CDKL5: variants seen among roughly 807,000 people sequenced by gnomAD.
CDKL5 encodes the protein cyclin-dependent kinase-like 5.
In CDKL5, 8 loss-of-function variants were observed where a neutral mutation model predicts 61.7. That is an observed-to-expected ratio of 0.13 (90% CI 0.08 to 0.23). CDKL5 has a LOEUF of 0.23. CDKL5 is among the 10% of genes least tolerant of loss of function. The pLI is 1.00. For missense variants in CDKL5, 440 were observed against 734.5 expected, an observed-to-expected ratio of 0.60 and a Z score of 4.63; for synonymous variants, 275 against 272.3, an observed-to-expected ratio of 1.01 and a Z score of -0.10.
At chrX:18,552,598 T>C (rs1344679993) in intron 3 of CDKL5, among the ~76,000 whole-genome samples, 1 of 111,898 alleles carries the variant, frequency 8.9e-6, no homozygotes, top group African/African-American at 3.2e-5. Flanking sequence ...TGTAAATCTG[T>C]AAAGGTGGAA....
chrX:18,431,646 C>T (rs1312705513), intron 1 of CDKL5, among the ~76,000 whole-genome samples: 2 of 108,988 alleles, frequency 1.8e-5, no homozygotes, highest in Admixed American at 9.8e-5. Flanking sequence ...AGGATGGTCT[C>T]GATCTCCTGA....
At chrX:18,482,761 A>G (rs2147074590) in intron 1 of CDKL5, among the ~76,000 whole-genome samples, 1 of 110,369 alleles carries the variant, frequency 9.1e-6, no homozygotes, top group East Asian at 2.8e-4. Flanking sequence ...GTAACTATAA[A>G]TGATCAATAA....
intron 1 of CDKL5, among the ~76,000 whole-genome samples, chrX:18,461,439 T>C (rs1391490991): frequency 1.8e-5 from 2 of 112,429 alleles, no homozygotes; most frequent in Non-Finnish European, 3.8e-5. Flanking sequence ...GAAAATAGTA[T>C]AGACCTACCA....
intron 4 of CDKL5, among the ~76,000 whole-genome samples, chrX:18,569,066 G>A (rs1925058229): frequency 8.9e-6 from 1 of 111,761 alleles, no homozygotes; most frequent in Non-Finnish European, 1.9e-5. Context: ...GTCTTTGCCT[G>A]TGATTCTCTC....
Position 18,629,323 on chromosome X carries a change from C to A in CDKL5, c.*566C>A. 1 of 652,894 alleles carries A rather than the reference C, an allele frequency of 1.5e-6. No homozygotes were observed. Among genetic ancestry groups the A allele is most frequent in the Middle Eastern group, 9.1e-4 (1 of 1,102 alleles). 53.8% of individuals were successfully genotyped at this position (652,894 alleles called of 1,213,427 possible). ...TAATATTGTACTGTTAAAATCATAT[C>A]TTTTATGTTATAATGTAAAGTTATT... On this transcript the variant is annotated 3_prime_UTR_variant, in exon 18 of 18. Transcript: ENST00000623535.
In CDKL5 at chrX:18,583,481, C is replaced by T. The variant is rs151094161; in HGVS notation, c.464-782C>T. ...CGCTGGGATTGTTTTTATTTTTTAC[C>T]GTTTCATTTTAAGAAACAGTATTTT... On this transcript the variant is annotated intron_variant, in intron 7 of 17. Coordinates refer to ENST00000623535, the MANE Select transcript of CDKL5 (RefSeq NM_001323289.2). 2.1e-3 allele frequency among the ~76,000 whole-genome samples: 238 copies of T among 111,777 alleles called. 1 individual carries two copies. The highest frequency in any genetic ancestry group is 0.017 in the East Asian group (60 of 3,578).
chrX:18,453,183 T>C (rs765732868), intron 1 of CDKL5, among the ~76,000 whole-genome samples: 2 of 111,544 alleles, frequency 1.8e-5, no homozygotes, highest in Non-Finnish European at 3.8e-5. Context: ...AACTTTACTG[T>C]AACCCCACTA....
intron 17 of CDKL5, chrX:18,627,783 C>CAA (rs764474838): frequency 1.4e-4 from 5 of 34,690 alleles, no homozygotes; most frequent in Admixed American, 3.3e-4. Context: ...CTCCCCCTTT[C>CAA]AAAAAAAAAG....
At chrX:18,514,423 T>A (rs1922935729) in intron 3 of CDKL5, among the ~76,000 whole-genome samples, 1 of 111,762 alleles carries the variant, frequency 8.9e-6, no homozygotes, top group Non-Finnish European at 1.9e-5. Context: ...AAAGATGTTC[T>A]AGGCTGGGCA....
At chrX:18,646,609 G>T (rs933215503) in intron 20 of CDKL5, among the ~76,000 whole-genome samples, 4 of 111,864 alleles carry the variant, frequency 3.6e-5, no homozygotes, top group Non-Finnish European at 7.5e-5. Context: ...AGTCATTAAC[G>T]TGGCTTCTAA....
rs961584515 is a variant in CDKL5, at chrX:18,625,166, G to A, written c.2415G>A (p.Gln805=). The change falls in exon 17 of 18, where the codon CAG becomes CAA. Residue 805 remains glutamine, a synonymous_variant. Coordinates refer to ENST00000623535, the MANE Select transcript of CDKL5 (RefSeq NM_001323289.2). ...ACAGCCCTGATCTTCTGACGTTGCA[G>A]AAATCCATTCATTCTGCTAGCACTC... ...NSDSPDLLTL[Q]KSIHSASTPS... 1.7e-6 allele frequency: 2 copies of A among 1,205,096 alleles called. No individual in the cohort carries two copies. Among genetic ancestry groups the A allele is most frequent in the African/African-American group, 3.5e-5 (2 of 56,461 alleles).
intron 3 of CDKL5, among the ~76,000 whole-genome samples, chrX:18,531,505 C>T (rs1923639221): frequency 9.0e-6 from 1 of 111,128 alleles, no homozygotes; most frequent in Admixed American, 9.5e-5. Flanking sequence ...TAGCCTTTGT[C>T]AAAATTATCA....
intron 1 of CDKL5, among the ~76,000 whole-genome samples, chrX:18,462,594 G>A (rs1199786280): frequency 8.9e-6 from 1 of 111,999 alleles, no homozygotes; most frequent in Non-Finnish European, 1.9e-5. Flanking sequence ...GGGCCTTACT[G>A]CAGAGACCTT....
intron 1 of CDKL5, among the ~76,000 whole-genome samples, chrX:18,433,423 G>A (rs1328365979): frequency 1.8e-5 from 2 of 111,139 alleles, no homozygotes; most frequent in East Asian, 5.6e-4. Context: ...GGTGGCGCAT[G>A]CCTATAATCC....
intron 10 of CDKL5, among the ~76,000 whole-genome samples, chrX:18,596,340 G>A (rs747193851): frequency 2.4e-4 from 27 of 110,709 alleles, no homozygotes; most frequent in Non-Finnish European, 4.2e-4. Flanking sequence ...GGAGGTGGGG[G>A]AGGAGGGTGT....
chrX:18,587,619 G>A (rs1925682197), intron 8 of CDKL5: 1 of 215,892 alleles, frequency 4.6e-6, no homozygotes, highest in East Asian at 1.1e-4. Context: ...TTATTTGGAA[G>A]CATTTCATTC....
intron 1 of CDKL5, among the ~76,000 whole-genome samples, chrX:18,465,792 A>C (rs747965582): frequency 8.9e-6 from 1 of 112,303 alleles, no homozygotes; most frequent in Admixed American, 9.5e-5. Context: ...ACAGTGTTAA[A>C]TTTCAAGAAC....
rs186480889 is a variant in CDKL5, at chrX:18,646,985, C to T, written c.2797+895C>T. On this transcript the variant is annotated intron_variant, in intron 20 of 21. Transcript: ENST00000379989. ...AGGCTGTAGTGCAGTGGTGTGATCT[C>T]GGCTCACTGTAACCTCCGCTTCCCA... 4.8e-4 allele frequency among the ~76,000 whole-genome samples: 52 copies of T among 109,161 alleles called. No homozygotes were observed. In the East Asian group the frequency reaches 0.014, roughly 29 times the overall value. The allele number at this position is 109,161 out of a possible 115,157, so 94.8% of individuals were successfully genotyped here. A position where few individuals can be genotyped will look rare whatever the true frequency, so the allele number is the denominator to read the frequency against.
chrX:18,535,694 C>T (rs1489446156), intron 3 of CDKL5: 1 of 157,398 alleles, frequency 6.4e-6, no homozygotes, highest in Non-Finnish European at 1.4e-5. Flanking sequence ...GCACCTTCAT[C>T]ATCTTCATGC....
Sources: gnomAD v4.1 joint callset for allele counts (sites outside exome capture counted in the v4.1 genomes callset) on GRCh38, gnomAD v4.1.1 for gene constraint, MANE v1.5 for transcripts, NCBI Gene and HGNC (gene_info 2026-07-23, HGNC 2026-07-21) for gene names.